Variants in DISC1 observed in about 807,000 individuals in gnomAD.
The protein encoded by DISC1 is DISC1 scaffold protein.
Under a neutral mutation model 84.5 loss-of-function variants are expected in DISC1, and 57 were observed. The ratio of observed to expected loss-of-function variants is 0.67; its 90% CI spans 0.55 to 0.84. The LOEUF (loss-of-function observed/expected upper bound fraction) is 0.84. DISC1 is among the 40% of genes least tolerant of loss of function. The pLI is 0.00. For synonymous variants in DISC1, 411 were observed against 415.2 expected, an observed-to-expected ratio of 0.99 and a Z score of 0.12; for missense variants, 1,000 against 1,057.8, an observed-to-expected ratio of 0.95 and a Z score of 0.76.
At chr1:231,657,713 C>G (rs936824558) in intron 1 of DISC1, among the ~76,000 whole-genome samples, 1 of 152,198 alleles carries the variant, frequency 6.6e-6, no homozygotes, top group Non-Finnish European at 1.5e-5. Context: ...AGCCAGCTCT[C>G]TCAGCACCAT....
chr1:231,878,327 A>G (rs370431322), intron 9 of DISC1, among the ~76,000 whole-genome samples: 2 of 152,202 alleles, frequency 1.3e-5, no homozygotes, highest in Admixed American at 6.5e-5. Context: ...CAGGGCACAG[A>G]GAGACCGCCC....
intron 12 of DISC1, among the ~76,000 whole-genome samples, chr1:232,035,730 GTTAAA>G (rs369273427): frequency 8.4e-4 from 128 of 152,248 alleles, no homozygotes; most frequent in African/African-American, 2.8e-3. Context: ...CAATTTGCTT[GTTAAA>G]CCCAACGCTC....
intron 10 of DISC1, among the ~76,000 whole-genome samples, chr1:231,992,313 T>G (rs1665313919): frequency 6.6e-6 from 1 of 152,236 alleles, no homozygotes; most frequent in Admixed American, 6.5e-5. Flanking sequence ...ATTGGCTGGT[T>G]TTTTTTCTTC....
At chr1:231,801,615 G>A (rs1295948634) in intron 8 of DISC1, among the ~76,000 whole-genome samples, 1 of 152,164 alleles carries the variant, frequency 6.6e-6, no homozygotes, top group Non-Finnish European at 1.5e-5. Context: ...TTTTCTGGTT[G>A]CTCTGTATGC....
intron 3 of DISC1, among the ~76,000 whole-genome samples, chr1:231,711,364 T>TTC (rs1419711997): frequency 3.4e-5 from 5 of 147,536 alleles, no homozygotes; most frequent in African/African-American, 1.3e-4. Flanking sequence ...TTTCTTTTTT[T>TTC]TTTTTTTTTT....
intron 9 of DISC1, among the ~76,000 whole-genome samples, chr1:231,886,777 T>TTCTTTCTTTC (rs2086751161): frequency 1.1e-5 from 1 of 93,894 alleles, no homozygotes; most frequent in Non-Finnish European, 2.4e-5. Flanking sequence ...CTTTCTTTCT[T>TTCTTTCTTTC]TCTTTCTTTC....
At chr1:231,941,413 A>T (rs1163516428) in intron 9 of DISC1, among the ~76,000 whole-genome samples, 1 of 152,134 alleles carries the variant, frequency 6.6e-6, no homozygotes, top group Admixed American at 6.5e-5. Flanking sequence ...AGGAGAGCTC[A>T]TAGATAATCC....
intron 6 of DISC1, among the ~76,000 whole-genome samples, chr1:231,785,432 A>G (rs2077776400): frequency 6.6e-6 from 1 of 151,832 alleles, no homozygotes; most frequent in Admixed American, 6.6e-5. Context: ...GACACATGCC[A>G]CCATACTTGG....
intron 2 of DISC1, among the ~76,000 whole-genome samples, chr1:231,699,324 C>CA (rs2124853196): frequency 6.6e-6 from 1 of 152,182 alleles, no homozygotes; most frequent in African/African-American, 2.4e-5. Flanking sequence ...TCTTGCCCCC[C>CA]AGATGCTCAA....
Position 231,630,255 on chromosome 1 carries a change from C to T in DISC1, c.67+3321C>T, listed in dbSNP as rs899751213. 5.3e-5 allele frequency among the ~76,000 whole-genome samples: 8 copies of T among 152,146 alleles called. No homozygotes were observed. The highest frequency in any genetic ancestry group is 2.1e-4 in the South Asian group (1 of 4,836). ...TTTAAACAAGATTTAAAGACCAGCACACAAAGTTTCTGAGTACAAAAAAAG... is the reference window on the plus strand; with the variant it reads ...TTTAAACAAGATTTAAAGACCAGCATACAAAGTTTCTGAGTACAAAAAAAG... On this transcript the variant is annotated intron_variant, in intron 1 of 12. Coordinates refer to ENST00000439617, the MANE Select transcript of DISC1 (RefSeq NM_018662.3). This position sits in a 1 kb window ranked among gnomAD's most constrained non-coding sequence, Gnocchi z 4.4.
chr1:231,647,575 G>T (rs915579877), intron 1 of DISC1, among the ~76,000 whole-genome samples: 36 of 152,288 alleles, frequency 2.4e-4, no homozygotes, highest in African/African-American at 5.3e-4. Context: ...CTTTAAAGTA[G>T]TTTTTTCCAA....
chr1:232,039,966 C>A lies in DISC1; in HGVS notation c.*3135C>A, dbSNP rs1370269767. 1 of 151,916 alleles carries A rather than the reference C, an allele frequency of 6.6e-6. No homozygotes were observed. Among genetic ancestry groups the A allele is most frequent in the African/African-American group, 2.4e-5 (1 of 41,316 alleles). 9.4% of individuals were successfully genotyped at this position (151,916 alleles called of 1,614,324 possible). A position where few individuals can be genotyped will look rare whatever the true frequency, so the allele number is the denominator to read the frequency against. On this transcript the variant is annotated 3_prime_UTR_variant, in exon 13 of 13. Transcript: ENST00000439617. ...GTTAGGACATGCTATCAGTAATAGT[C>A]CCAGTTCCATCCAACTTTCTGAAAT...
chr1:231,721,527 T>C (rs2069703117), intron 3 of DISC1, among the ~76,000 whole-genome samples: 1 of 152,180 alleles, frequency 6.6e-6, no homozygotes. Context: ...TTAAAGACCT[T>C]ATACAATGAA....
intron 3 of DISC1, among the ~76,000 whole-genome samples, chr1:231,711,814 T>C (rs936134218): frequency 6.6e-6 from 1 of 152,310 alleles, no homozygotes; most frequent in East Asian, 1.9e-4. Flanking sequence ...GCTTATTCTT[T>C]CAAACCTCTT....
chr1:231,837,625 C>T (rs75416787), intron 9 of DISC1, among the ~76,000 whole-genome samples: 1,734 of 152,234 alleles, frequency 0.011, 33 homozygotes, highest in African/African-American at 0.04. Flanking sequence ...TTATTATCTG[C>T]ATGAAAGTAT....
Position 231,767,398 on chromosome 1 carries a change from G to A in DISC1, c.1398+129G>A, listed in dbSNP as rs2076246847. The A allele has an allele frequency of 1.0e-5, 14 of 1,362,448 alleles. No individual in the cohort carries two copies. The South Asian group carries it at 1.2e-4, about 11-fold the overall frequency. The allele number at this position is 1,362,448 out of a possible 1,614,324, so 84.4% of individuals were successfully genotyped here. On this transcript the variant is annotated intron_variant, in intron 5 of 12. Coordinates refer to ENST00000439617, the MANE Select transcript of DISC1 (RefSeq NM_018662.3). ...GCTCATTGCAGCCTTGAGCTCCTGG[G>A]TGATTCTCCCACCTCAGCCTCCCAA...
chr1:231,918,376 C>T (rs2089781217), intron 9 of DISC1, among the ~76,000 whole-genome samples: 1 of 152,208 alleles, frequency 6.6e-6, no homozygotes, highest in South Asian at 2.1e-4. Context: ...CTATCAATAA[C>T]GTTCATACAT....
intron 9 of DISC1, among the ~76,000 whole-genome samples, chr1:231,877,845 G>A (rs1222905610): frequency 2.6e-5 from 4 of 152,106 alleles, no homozygotes; most frequent in African/African-American, 7.2e-5. Flanking sequence ...AGCTTATTTC[G>A]ACTGAACAGA....
At chr1:231,886,200 C>A (rs2086668799) in intron 9 of DISC1, among the ~76,000 whole-genome samples, 1 of 152,182 alleles carries the variant, frequency 6.6e-6, no homozygotes, top group Admixed American at 6.5e-5. Context: ...CATTGGGGAT[C>A]AGATTTCCAA....
Sources: allele counts gnomAD v4.1 joint callset (sites outside exome capture counted in the v4.1 genomes callset), GRCh38; gene constraint gnomAD v4.1.1; non-coding constraint Gnocchi (gnomAD v3.1); transcripts MANE v1.5; gene names NCBI Gene and HGNC (gene_info 2026-07-23, HGNC 2026-07-21).